Variants in SHC4 observed in about 807,000 individuals in gnomAD.
SHC4 encodes the protein SHC-transforming protein 4.
SHC4 carries 41 observed loss-of-function variants against 69.4 expected under a neutral mutation model. The ratio of observed to expected loss-of-function variants is 0.59; its 90% CI spans 0.46 to 0.77. The LOEUF (loss-of-function observed/expected upper bound fraction) is 0.77. Among genes scored for constraint, SHC4 ranks in the 30% least tolerant of loss-of-function variants. The probability of loss-of-function intolerance (pLI) is 0.00; values close to 1 mark genes in which losing one functional copy is unlikely to be tolerated. For missense variants in SHC4, 777 were observed against 783.8 expected, an observed-to-expected ratio of 0.99 and a Z score of 0.10; for synonymous variants, 318 against 299.3, an observed-to-expected ratio of 1.06 and a Z score of -0.64.
rs886659150 is a variant in SHC4 at position 48,913,966 on chromosome 15, T to C, written c.656+10913A>G. 2.6e-5 allele frequency among the ~76,000 whole-genome samples: 4 copies of C among 152,330 alleles called. No homozygotes were observed. The East Asian group carries it at 5.8e-4, about 22-fold the overall frequency. ...CAGTTTTGGGGGTTCTCCTGGGTCC[T>C]GCAGGAGCAATCTGCTTCCTTCAGA... On this transcript the variant is annotated intron_variant, in intron 2 of 11. Coordinates refer to ENST00000332408, the MANE Select transcript of SHC4 (RefSeq NM_203349.4).
At chr15:48,863,030 C>T (rs908456012) in intron 6 of SHC4, among the ~76,000 whole-genome samples, 2 of 126,418 alleles carry the variant, frequency 1.6e-5, no homozygotes, top group African/African-American at 6.0e-5. Flanking sequence ...ACTCTCTGGG[C>T]TTCTCTTGTC....
intron 8 of SHC4, among the ~76,000 whole-genome samples, chr15:48,853,542 G>A (rs1899256379): frequency 6.6e-6 from 1 of 152,122 alleles, no homozygotes; most frequent in Admixed American, 6.6e-5. Flanking sequence ...GCAATCCTAA[G>A]TAAAAAGAAC....
intron 11 of SHC4, 76 bp downstream of exon 11, chr15:48,834,693 C>G: frequency 6.4e-7 from 1 of 1,566,366 alleles, no homozygotes; most frequent in East Asian, 2.2e-5. Context: ...TATTCAATAC[C>G]AGGTTTTGGA....
intron 2 of SHC4, among the ~76,000 whole-genome samples, chr15:48,892,863 C>A (rs200591108): frequency 0.078 from 5,441 of 69,340 alleles, 82 homozygotes; most frequent in African/African-American, 0.13. Flanking sequence ...AACTCCGTCT[C>A]AAAAAAAAAA....
chr15:48,833,515 C>A (rs1441188737), intron 11 of SHC4, among the ~76,000 whole-genome samples: 1 of 152,170 alleles, frequency 6.6e-6, no homozygotes, highest in African/African-American at 2.4e-5. Context: ...CACTCCCCTC[C>A]CTCCCTTCTG....
Position 48,823,952 on chromosome 15 carries a change from T to C in SHC4, c.*2019A>G, listed in dbSNP as rs192241254. 3.5e-4 allele frequency: 53 copies of C among 152,358 alleles called. No individual in the cohort carries two copies. Among genetic ancestry groups the C allele is most frequent in the African/African-American group, 1.0e-3 (43 of 41,590 alleles). 9.4% of individuals were successfully genotyped at this position (152,358 alleles called of 1,614,324 possible). ...ATTACAGTCAAATACTGATTATCCATGTGTACTGCTGACACCATTTACAGT... is the reference window on the plus strand; with the variant it reads ...ATTACAGTCAAATACTGATTATCCACGTGTACTGCTGACACCATTTACAGT... On this transcript the variant is annotated 3_prime_UTR_variant, in exon 12 of 12. Transcript: ENST00000332408.
At chr15:48,960,933 C>G (rs1302815983) in intron 1 of SHC4, among the ~76,000 whole-genome samples, 2 of 152,012 alleles carry the variant, frequency 1.3e-5, no homozygotes, top group African/African-American at 2.4e-5. Flanking sequence ...CCCCAATAAA[C>G]AACAATGGTA....
rs72739895 is a variant in SHC4 at position 48,872,681 on chromosome 15, A to G, written c.841-539T>C. Among the ~76,000 whole-genome samples the G allele has an allele frequency of 3.8e-3, 586 of 152,318 alleles. 2 individuals carry two copies. The highest frequency in any genetic ancestry group is 7.1e-3 in the Non-Finnish European group (481 of 68,028). The stretch of plus-strand genomic sequence containing the variant: ...CTTTATATTTTTGTTTCTTTTTGCA[A>G]AAGTTAGTTTGAATTTGATTTCAGT... On this transcript the variant is annotated intron_variant, in intron 4 of 11. Coordinates refer to ENST00000332408, the MANE Select transcript of SHC4 (RefSeq NM_203349.4).
intron 2 of SHC4, among the ~76,000 whole-genome samples, chr15:48,908,620 T>C (rs941172646): frequency 1.3e-5 from 2 of 152,236 alleles, no homozygotes; most frequent in African/African-American, 2.4e-5. Context: ...CATGAAATCC[T>C]TGCCTAAGCC....
intron 4 of SHC4, 73 bp from the exon 5 acceptor site, chr15:48,872,215 G>GACAT: frequency 1.1e-6 from 1 of 912,634 alleles, no homozygotes; most frequent in Non-Finnish European, 1.6e-6. Flanking sequence ...AACAGTAATA[G>GACAT]ACATACATTT....
chr15:48,857,852 AT>A, intron 6 of SHC4, 37 bp from the exon 7 acceptor site: 1 of 1,444,438 alleles, frequency 6.9e-7, no homozygotes, highest in Non-Finnish European at 9.1e-7. Context: ...ATTATAATAA[AT>A]TTTTAGAAAG....
intron 9 of SHC4, 34 bp downstream of exon 9, chr15:48,851,154 G>T (rs778800839): frequency 2.5e-6 from 4 of 1,607,040 alleles, no homozygotes; most frequent in Non-Finnish European, 3.4e-6. Flanking sequence ...AAGGAATAAG[G>T]AGGGTGGCAG....
chr15:48,827,729 G>A (rs1016866634), intron 11 of SHC4, among the ~76,000 whole-genome samples: 1 of 152,134 alleles, frequency 6.6e-6, no homozygotes, highest in African/African-American at 2.4e-5. Context: ...TTTGCTAGGG[G>A]CTAGGATAGG....
In SHC4 at chr15:48,857,960, T is replaced by C. The variant is rs774520903; in HGVS notation, c.947-145A>G. On this transcript the variant is annotated intron_variant, in intron 6 of 11. Transcript: ENST00000332408. ...AGCTCTCTGCAGCCATGAAATGATA[T>C]AAAGAATACTTCACATTTCACATGA... The C allele has an allele frequency of 5.8e-6, 3 of 512,888 alleles. No homozygotes were observed. In the East Asian group the frequency reaches 1.1e-4, roughly 19 times the overall value. 31.8% of individuals were successfully genotyped at this position (512,888 alleles called of 1,614,324 possible).
At chr15:48,952,056 G>A (rs534045164) in intron 1 of SHC4, among the ~76,000 whole-genome samples, 17 of 152,150 alleles carry the variant, frequency 1.1e-4, no homozygotes, top group Non-Finnish European at 2.1e-4. Flanking sequence ...GAACTTTGTA[G>A]TCTAACCTAT....
intron 1 of SHC4, among the ~76,000 whole-genome samples, chr15:48,939,276 C>G (rs910111499): frequency 6.6e-6 from 1 of 152,098 alleles, no homozygotes; most frequent in African/African-American, 2.4e-5. Context: ...AGGCTCCAGA[C>G]CAGCCTCAGG....
At chr15:48,915,849 T>G (rs892592602) in intron 2 of SHC4, among the ~76,000 whole-genome samples, 3 of 152,178 alleles carry the variant, frequency 2.0e-5, no homozygotes, top group Non-Finnish European at 4.4e-5. Flanking sequence ...CTTAGCACTC[T>G]TCTCAGTAAA....
At chr15:48,856,774 A>T (rs1899324429) in intron 7 of SHC4, among the ~76,000 whole-genome samples, 1 of 76,578 alleles carries the variant, frequency 1.3e-5, no homozygotes, top group East Asian at 2.9e-4. Flanking sequence ...GTTTCTTACT[A>T]AAAAAAAAAA....
chr15:48,856,488 T>A (rs2140983136), intron 7 of SHC4, among the ~76,000 whole-genome samples: 1 of 152,296 alleles, frequency 6.6e-6, no homozygotes, highest in East Asian at 1.9e-4. Context: ...CTTTGATTGT[T>A]CCATTTTGGA....
Sources: gnomAD v4.1 joint callset for allele counts (sites outside exome capture counted in the v4.1 genomes callset) on GRCh38, gnomAD v4.1.1 for gene constraint, MANE v1.5 for transcripts, NCBI Gene and HGNC (gene_info 2026-07-23, HGNC 2026-07-21) for gene names.